Variants in ADCK5 observed in about 807,000 individuals in gnomAD.
ADCK5 encodes aarF domain containing kinase 5.
A neutral mutation model predicts 64.9 loss-of-function variants in ADCK5; 43 were observed. That is an observed-to-expected ratio of 0.66 (90% CI 0.52 to 0.85). The LOEUF is 0.85. Ranked by LOEUF, ADCK5 falls within the 40% of genes least tolerant of loss-of-function variation. The probability of loss-of-function intolerance (pLI) is 0.00; values close to 1 mark genes in which losing one functional copy is unlikely to be tolerated. For synonymous variants in ADCK5, 434 were observed against 342.8 expected, an observed-to-expected ratio of 1.27 and a Z score of -2.94; for missense variants, 760 against 810.5, an observed-to-expected ratio of 0.94 and a Z score of 0.76.
rs782419291 is a variant in ADCK5, at chr8:144,391,893, C to T, written c.1014+27C>T. On this transcript the variant is annotated intron_variant, in intron 9 of 14. Transcript: ENST00000308860. ...TGAGTGCGGGGGGGCGGGGGCGGGTCAGGGCGGGCTGGTGCTGTGTCCACT... is the reference window on the plus strand; with the variant it reads ...TGAGTGCGGGGGGGCGGGGGCGGGTTAGGGCGGGCTGGTGCTGTGTCCACT... 7.2e-6 allele frequency: 11 copies of T among 1,528,800 alleles called. No homozygotes were observed. The African/African-American group carries it at 1.5e-4, about 21-fold the overall frequency. The allele number at this position is 1,528,800 out of a possible 1,614,324, so 94.7% of individuals were successfully genotyped here.
chr8:144,390,520 G>A lies in ADCK5; in HGVS notation c.267-151G>A, dbSNP rs555704454. On this transcript the variant is annotated intron_variant, in intron 3 of 14. Transcript: ENST00000308860. ...ACCCCTTGTGCTCACACAGGCCTAC[G>A]CGGCTGTAGGCTGGACCCTGGCTTG... 493 of 796,054 alleles carry A rather than the reference G, an allele frequency of 6.2e-4. 2 individuals are homozygous for A. In the African/African-American group the frequency reaches 7.1e-3, roughly 11 times the overall value. The allele number at this position is 796,054 out of a possible 1,614,324, so 49.3% of individuals were successfully genotyped here.
At chr8:144,386,765 C>T (rs1398532291) in intron 3 of ADCK5, among the ~76,000 whole-genome samples, 4 of 152,350 alleles carry the variant, frequency 2.6e-5, no homozygotes, top group Admixed American at 6.5e-5. Flanking sequence ...TCCTCCCGCT[C>T]CCATCCCCGT....
chr8:144,373,825 A>C, upstream of ADCK5: 4 of 356,936 alleles, frequency 1.1e-5, no homozygotes, highest in Non-Finnish European at 2.0e-5. Context: ...TGCCCGGGGA[A>C]TGCGCAGTGC....
At chr8:144,388,763 CAAAA>C (rs1294944738) in intron 3 of ADCK5, among the ~76,000 whole-genome samples, 11 of 109,298 alleles carry the variant, frequency 1.0e-4, no homozygotes, top group Non-Finnish European at 1.4e-4. Flanking sequence ...ACTCCGTCTC[CAAAA>C]AAAAAAAAAA....
upstream of ADCK5, chr8:144,373,394 C>T (rs1819232330): frequency 6.6e-6 from 1 of 152,484 alleles, no homozygotes; most frequent in Admixed American, 6.5e-5. Flanking sequence ...GGGCCTGGGC[C>T]CCTACCCAGC....
Position 144,391,206 on chromosome 8 carries a change from A to G in ADCK5, c.616A>G (p.Ile206Val), listed in dbSNP as rs782388965. The G allele has an allele frequency of 5.6e-6, 9 of 1,612,530 alleles. No homozygotes were observed. Among genetic ancestry groups the G allele is most frequent in the South Asian group, 2.2e-5 (2 of 91,092 alleles). Residue 206 changes from isoleucine to valine, a missense_variant, in exon 6 of 15, where the codon ATT (isoleucine) becomes GTT (valine). Physicochemically the swap from Ile to Val is conservative, Grantham distance 29. Coordinates refer to ENST00000308860, the MANE Select transcript of ADCK5 (RefSeq NM_174922.5). The stretch of plus-strand genomic sequence containing the variant: ...CTTCCAGGAGTTTGACTACCAGCCA[A>G]TTGCTGCCGCCAGCCTGGCACAGGT... ...ELFQEFDYQP[I>V]AAASLAQVHR...
chr8:144,390,807 G>C (rs782655815), intron 4 of ADCK5, 49 bp from the exon 5 acceptor site: 17 of 1,606,782 alleles, frequency 1.1e-5, no homozygotes, highest in Admixed American at 1.7e-5. Flanking sequence ...GGGTGGGACT[G>C]AGGAGGCAGC....
chr8:144,392,701 G>C lies in ADCK5; in HGVS notation c.1520+4G>C. The C allele has an allele frequency of 6.3e-7, 1 of 1,592,164 alleles. No homozygotes were observed. The highest frequency in any genetic ancestry group is 8.6e-7 in the Non-Finnish European group (1 of 1,169,216). On this transcript the variant is annotated splice_donor_region_variant and intron_variant, in intron 13 of 14. Coordinates refer to ENST00000308860, the MANE Select transcript of ADCK5 (RefSeq NM_174922.5). Reference sequence around the variant, plus strand: ...GCTACTTCCTTATGGCTAAAAGGTCGGTGGCCCGAGGAGGCGCCCGGGCCG... The same window carrying C: ...GCTACTTCCTTATGGCTAAAAGGTCCGTGGCCCGAGGAGGCGCCCGGGCCG...
intron 3 of ADCK5, chr8:144,389,366 G>A: frequency 2.2e-6 from 1 of 456,366 alleles, no homozygotes; most frequent in Non-Finnish European, 4.4e-6. Flanking sequence ...GACCTCTGCT[G>A]CCTCAGCCCT....
chr8:144,383,163 G>A lies in ADCK5; in HGVS notation c.199G>A (p.Val67Ile). 5 of 1,600,098 alleles carry A rather than the reference G, an allele frequency of 3.1e-6. No individual in the cohort carries two copies. The highest frequency in any genetic ancestry group is 4.3e-6 in the Non-Finnish European group (5 of 1,173,794). Residue 67 changes from valine (V) to isoleucine (I), a missense_variant, in exon 3 of 15, where the codon GTC becomes ATC. This residue lies in a region of ADCK5 where 427 missense variants were observed against 518.4 expected (regional missense o/e 0.82). Transcript: ENST00000308860. ...GAPLLLGARY[V>I]MAEAREKRRM... ...GCCCCTGCTCCTCGGAGCCCGCTAT[G>A]TCATGGCAGAGGCACGGGAGAAGAG...
Position 144,391,562 on chromosome 8 carries a change from C to T in ADCK5, c.799-18C>T, listed in dbSNP as rs782766955. On this transcript the variant is annotated intron_variant, in intron 7 of 14. Transcript: ENST00000308860. Reference sequence around the variant, plus strand: ...GCTGGTAGGCAGAGCTGGTCTTCAACCGCCATCTGGCCCCCAGGACCTGAA... The same window carrying T: ...GCTGGTAGGCAGAGCTGGTCTTCAATCGCCATCTGGCCCCCAGGACCTGAA... 45 of 1,582,782 alleles carry T rather than the reference C, an allele frequency of 2.8e-5. No individual in the cohort carries two copies. The highest frequency in any genetic ancestry group is 3.8e-5 in the Non-Finnish European group (44 of 1,169,906).
At chr8:144,390,642 C>T in intron 3 of ADCK5, 29 bp from the exon 4 acceptor site, 1 of 1,609,992 alleles carries the variant, frequency 6.2e-7, no homozygotes, top group Non-Finnish European at 8.5e-7. Context: ...GCCTGCCCCG[C>T]TGGAGACTGA....
intron 2 of ADCK5, among the ~76,000 whole-genome samples, chr8:144,381,300 C>G (rs1586579876): frequency 3.5e-5 from 5 of 141,912 alleles, no homozygotes; most frequent in Non-Finnish European, 4.5e-5. Flanking sequence ...CCCTGCTGCA[C>G]TCAGGATTAT....
At position 144,384,114 on chromosome 8, in the gene ADCK5, T is replaced by C. The variant is rs1266534428; in HGVS notation, c.266+884T>C. On this transcript the variant is annotated intron_variant, in intron 3 of 14. Transcript: ENST00000308860. The surrounding 1 kb of genome is among the most constrained non-coding windows in gnomAD (Gnocchi z 5.7). ...ATTTTTAGTAGAAACGGGGTTTCAC[T>C]GTGTTAGCCAGGATGGTCTCGATCT... 1.3e-5 allele frequency among the ~76,000 whole-genome samples: 2 copies of C among 151,966 alleles called. No homozygotes were observed. Among genetic ancestry groups the C allele is most frequent in the African/African-American group, 4.8e-5 (2 of 41,376 alleles).
intron 1 of ADCK5, 97 bp downstream of exon 1, chr8:144,374,204 G>C: frequency 1.7e-6 from 2 of 1,158,326 alleles, no homozygotes; most frequent in Admixed American, 4.2e-5. Flanking sequence ...AGAGACCCTC[G>C]GGGCTTTTTC....
Position 144,383,119 on chromosome 8 carries a change from C to T in ADCK5, c.155C>T (p.Ser52Phe). ...SPTPLWRKVL[S>F]TAVVGAPLLL... ...ACACCCCTGTGGAGGAAGGTGCTCT[C>T]CACCGCGGTAGTGGGGGCGCCCCTG... is the stretch of plus-strand genomic sequence containing the variant. Residue 52 changes from serine to phenylalanine, a missense_variant, in exon 3 of 15, where the codon TCC becomes TTC. By Grantham distance (155) the Ser-to-Phe change is radical (BLOSUM62 -2). Transcript: ENST00000308860. 6.3e-7 allele frequency: 1 copy of T among 1,587,726 alleles called. No individual in the cohort carries two copies. Among genetic ancestry groups the T allele is most frequent in the Non-Finnish European group, 8.6e-7 (1 of 1,167,272 alleles).
chr8:144,392,653 G>A lies in ADCK5; in HGVS notation c.1476G>A (p.Val492=). ...TCAACACCGTGCGCGCTATCAACGT[G>A]GCCCTCGGCGCCCCCGTGGACCGCT... ...RNINTVRAIN[V]ALGAPVDRYF... The change falls in exon 13 of 15, where the codon GTG becomes GTA. Residue 492 remains valine, a synonymous_variant. Coordinates refer to ENST00000308860, the MANE Select transcript of ADCK5 (RefSeq NM_174922.5). 2 of 1,594,328 alleles carry A rather than the reference G, an allele frequency of 1.3e-6. No homozygotes were observed. The highest frequency in any genetic ancestry group is 1.7e-6 in the Non-Finnish European group (2 of 1,172,238).
chr8:144,393,130 CGG>C lies in ADCK5; in HGVS notation c.*59_*60del. 1 of 1,462,682 alleles carries C rather than the reference CGG, an allele frequency of 6.8e-7. No homozygotes were observed. Among genetic ancestry groups the C allele is most frequent in the Non-Finnish European group, 9.1e-7 (1 of 1,102,756 alleles). 90.6% of individuals were successfully genotyped at this position (1,462,682 alleles called of 1,614,324 possible). Reference sequence around the variant, plus strand: ...TTTCACCTTGGGCTGACGGAGGTGGCGGGGCTAGAGGTGTAGACACCCCGAGC... The same window carrying C: ...TTTCACCTTGGGCTGACGGAGGTGGCGGCTAGAGGTGTAGACACCCCGAGC... On this transcript the variant is annotated 3_prime_UTR_variant, in exon 15 of 15. Transcript: ENST00000308860.
At position 144,392,998 on chromosome 8, in the gene ADCK5, C is replaced by A. The variant is rs1554861685; in HGVS notation, c.1667C>A (p.Ala556Asp). The A allele has an allele frequency of 1.9e-6, 3 of 1,589,652 alleles. No homozygotes were observed. Among genetic ancestry groups the A allele is most frequent in the Non-Finnish European group, 2.6e-6 (3 of 1,171,232 alleles). The change falls in exon 15 of 15, where the codon GCC becomes GAC. Residue 556 changes from alanine to aspartate, a missense_variant. Ala to Asp is a moderately radical substitution (Grantham distance 126, BLOSUM62 -2). Coordinates refer to ENST00000308860, the MANE Select transcript of ADCK5 (RefSeq NM_174922.5). ...GAGACCTTGGCCATGCGGCTGACCGCCCTCCTGGCTCGTGCTCTGGTCCAC... is the reference window on the plus strand; with the variant it reads ...GAGACCTTGGCCATGCGGCTGACCGACCTCCTGGCTCGTGCTCTGGTCCAC... ...RLETLAMRLT[A>D]LLARALVHLS...
Sources: gnomAD v4.1 joint callset for allele counts (sites outside exome capture counted in the v4.1 genomes callset) on GRCh38, gnomAD v4.1.1 for gene constraint, gnomAD v4.1.1 regional missense constraint, Gnocchi (gnomAD v3.1) non-coding constraint, MANE v1.5 for transcripts, NCBI Gene and HGNC (gene_info 2026-07-23, HGNC 2026-07-21) for gene names.